The following NLGN1 variants were observed in gnomAD, a reference collection of about 807,000 sequenced individuals.
NLGN1 encodes the protein neuroligin-1.
A neutral mutation model predicts 65.5 loss-of-function variants in NLGN1; 12 were observed. The observed-to-expected ratio is 0.18, with a 90% CI of 0.12 to 0.30. The LOEUF is 0.30. Among genes scored for constraint, NLGN1 ranks in the 10% least tolerant of loss-of-function variants. The probability of loss-of-function intolerance (pLI) is 1.00; values close to 1 mark genes in which losing one functional copy is unlikely to be tolerated. For missense variants in NLGN1, 750 were observed against 1,007.1 expected, an observed-to-expected ratio of 0.74 and a Z score of 3.46; for synonymous variants, 350 against 359.5, an observed-to-expected ratio of 0.97 and a Z score of 0.30.
At chr3:173,832,612 G>A (rs981119955) in intron 4 of NLGN1, among the ~76,000 whole-genome samples, 1 of 152,042 alleles carries the variant, frequency 6.6e-6, no homozygotes, top group South Asian at 2.1e-4. Flanking sequence ...AAAACACTAC[G>A]GTTCATCAAA....
At chr3:173,830,036 GT>G (rs1337528322) in intron 4 of NLGN1, among the ~76,000 whole-genome samples, 2 of 150,424 alleles carry the variant, frequency 1.3e-5, no homozygotes, top group East Asian at 3.9e-4. Context: ...ATAAAAAGAA[GT>G]CTTTGTGTCC....
intron 2 of NLGN1, among the ~76,000 whole-genome samples, chr3:173,500,395 A>G (rs979466463): frequency 3.3e-5 from 5 of 152,148 alleles, no homozygotes; most frequent in African/African-American, 1.2e-4. Flanking sequence ...CCTCCAAGGG[A>G]TGAAGCCCAC....
At chr3:173,542,946 T>C (rs1739142516) in intron 2 of NLGN1, among the ~76,000 whole-genome samples, 1 of 152,102 alleles carries the variant, frequency 6.6e-6, no homozygotes. Context: ...TCCTCTTACT[T>C]TCCTACCCCA....
chr3:174,238,312 T>C (rs919149443), intron 4 of NLGN1, among the ~76,000 whole-genome samples: 1 of 105,944 alleles, frequency 9.4e-6, no homozygotes. Context: ...CTACTTTCTG[T>C]TTTTTCTTTT....
intron 4 of NLGN1, among the ~76,000 whole-genome samples, chr3:174,203,625 G>A (rs1460618064): frequency 1.3e-5 from 2 of 152,138 alleles, no homozygotes; most frequent in African/African-American, 4.8e-5. Flanking sequence ...ATGGATGAAA[G>A]ATCAAAGAAC....
At chr3:173,450,001 G>C (rs1090938) in intron 2 of NLGN1, among the ~76,000 whole-genome samples, 120,513 of 152,090 alleles carry the variant, frequency 0.79, 48,803 homozygotes, top group East Asian at 0.97. Flanking sequence ...ACAGATGGGT[G>C]TTGACTCTTT....
intron 4 of NLGN1, among the ~76,000 whole-genome samples, chr3:173,917,660 T>C (rs1187895717): frequency 6.6e-6 from 1 of 152,174 alleles, no homozygotes; most frequent in Non-Finnish European, 1.5e-5. Context: ...GTTATATCAA[T>C]TACTCCCTAG....
chr3:173,472,624 A>C lies in NLGN1; in HGVS notation c.-321+37546A>C, dbSNP rs116335345. Among the ~76,000 whole-genome samples, 1,249 of 152,160 alleles carry C rather than the reference A, an allele frequency of 8.2e-3. 20 individuals are homozygous for C. The highest frequency in any genetic ancestry group is 0.029 in the African/African-American group (1,211 of 41,532). On this transcript the variant is annotated intron_variant, in intron 2 of 6. Transcript: ENST00000457714. ...CACCAACCCCCTTGGACTTATTAAA[A>C]TTATCCTGTATTCAATATTTCTGAC...
At chr3:173,842,429 A>G (rs2150683519) in intron 4 of NLGN1, among the ~76,000 whole-genome samples, 1 of 152,292 alleles carries the variant, frequency 6.6e-6, no homozygotes, top group South Asian at 2.1e-4. Context: ...CACAGTCCAA[A>G]GTCTCATCCC....
At chr3:173,965,567 C>T (rs1714653478) in intron 4 of NLGN1, among the ~76,000 whole-genome samples, 1 of 151,850 alleles carries the variant, frequency 6.6e-6, no homozygotes, top group Admixed American at 6.6e-5. Flanking sequence ...ATCCACCCGC[C>T]TCAGCTTCCC....
intron 3 of NLGN1, among the ~76,000 whole-genome samples, chr3:173,648,445 A>C (rs1185974042): frequency 6.6e-6 from 1 of 152,314 alleles, no homozygotes; most frequent in South Asian, 2.1e-4. Context: ...GTAGCAAAAT[A>C]AGTTAAAAAG....
At chr3:174,170,553 T>C (rs936751240) in intron 4 of NLGN1, among the ~76,000 whole-genome samples, 4 of 152,188 alleles carry the variant, frequency 2.6e-5, no homozygotes, top group Admixed American at 2.0e-4. Flanking sequence ...AGAAAAGATA[T>C]GGTTTTGAAT....
chr3:173,725,876 G>C (rs192406370), intron 3 of NLGN1, among the ~76,000 whole-genome samples: 10 of 152,172 alleles, frequency 6.6e-5, no homozygotes, highest in Admixed American at 6.6e-4. Flanking sequence ...CTGTTGGCTG[G>C]AAGTCACTCT....
At chr3:174,262,188 T>G (rs966332391) in intron 4 of NLGN1, among the ~76,000 whole-genome samples, 2 of 111,792 alleles carry the variant, frequency 1.8e-5, no homozygotes, top group African/African-American at 8.4e-5. Context: ...ATCAGAATGA[T>G]GCTGGCCTCA....
chr3:173,534,209 T>C (rs1253473793), intron 2 of NLGN1, among the ~76,000 whole-genome samples: 1 of 152,220 alleles, frequency 6.6e-6, no homozygotes, highest in Non-Finnish European at 1.5e-5. Context: ...TAATTTCATA[T>C]CCTAATTGGT....
At chr3:173,517,374 T>G (rs1406355080) in intron 2 of NLGN1, among the ~76,000 whole-genome samples, 1 of 152,076 alleles carries the variant, frequency 6.6e-6, no homozygotes, top group Non-Finnish European at 1.5e-5. Flanking sequence ...TCCCTCACTC[T>G]CAGAAAACTT....
intron 4 of NLGN1, among the ~76,000 whole-genome samples, chr3:174,069,813 G>C (rs930723882): frequency 3.9e-5 from 6 of 152,094 alleles, no homozygotes; most frequent in African/African-American, 1.4e-4. Context: ...CAGTAAAGTG[G>C]GTATTAGCAT....
chr3:174,232,468 T>A (rs1007749714), intron 4 of NLGN1, among the ~76,000 whole-genome samples: 9 of 152,062 alleles, frequency 5.9e-5, no homozygotes, highest in African/African-American at 2.2e-4. Flanking sequence ...CCTCTAAAGG[T>A]TTGCTAAAAA....
At chr3:174,212,281 A>T (rs915625105) in intron 4 of NLGN1, among the ~76,000 whole-genome samples, 54 of 152,168 alleles carry the variant, frequency 3.5e-4, no homozygotes, top group African/African-American at 1.3e-3. Context: ...GGGCCCTCCA[A>T]GCCCACGCCT....
Sources: gnomAD v4.1 joint callset for allele counts (sites outside exome capture counted in the v4.1 genomes callset) on GRCh38, gnomAD v4.1.1 for gene constraint, MANE v1.5 for transcripts, NCBI Gene and HGNC (gene_info 2026-07-23, HGNC 2026-07-21) for gene names.